Variants in IMMP2L observed in about 807,000 individuals in gnomAD.
The protein encoded by IMMP2L is inner mitochondrial membrane peptidase subunit 2.
A neutral mutation model predicts 19.3 loss-of-function variants in IMMP2L; 18 were observed. The observed-to-expected ratio is 0.93, with a 90% CI of 0.64 to 1.38. The LOEUF (loss-of-function observed/expected upper bound fraction) is 1.38. IMMP2L is among the 40% of genes most tolerant of loss of function. The probability of loss-of-function intolerance (pLI) is 0.00; values close to 1 mark genes in which losing one functional copy is unlikely to be tolerated. For missense variants in IMMP2L, 233 were observed against 218.2 expected (o/e 1.07, Z -0.43); for synonymous variants, 76 against 73.0 (o/e 1.04, Z -0.21).
Position 110,760,749 on chromosome 7 carries a change from A to T in IMMP2L, c.409-97028T>A, listed in dbSNP as rs1798305587. 6.6e-6 allele frequency among the ~76,000 whole-genome samples: 1 copy of T among 152,140 alleles called. No individual in the cohort carries two copies. The highest frequency in any genetic ancestry group is 2.4e-5 in the African/African-American group (1 of 41,440). Reference sequence around the variant, plus strand: ...AGCACTTCAATACCTGGAATATCTCAAAAGGTTTGCTGACTATTGTTAACA... The same window carrying T: ...AGCACTTCAATACCTGGAATATCTCTAAAGGTTTGCTGACTATTGTTAACA... On this transcript the variant is annotated intron_variant, in intron 5 of 5. Coordinates refer to ENST00000405709, the MANE Select transcript of IMMP2L (RefSeq NM_032549.4). This position sits in a 1 kb window ranked among gnomAD's most constrained non-coding sequence, Gnocchi z 4.2.
At position 111,331,222 on chromosome 7, in the gene IMMP2L, T is replaced by C. The variant is rs763131735; in HGVS notation, c.239+156016A>G. On this transcript the variant is annotated intron_variant, in intron 3 of 5. Coordinates refer to ENST00000405709, the MANE Select transcript of IMMP2L (RefSeq NM_032549.4). ...ATGGATAAACAAAATGTGGTAAATA[T>C]ACACAGTGAAATTCTATTCAGCCCT... Among the ~76,000 whole-genome samples, 9 of 151,962 alleles carry C rather than the reference T, an allele frequency of 5.9e-5. 1 individual carries two copies. The South Asian group carries it at 1.2e-3, about 21-fold the overall frequency.
intron 4 of IMMP2L, among the ~76,000 whole-genome samples, chr7:110,953,462 T>C (rs1818040519): frequency 6.6e-6 from 1 of 152,124 alleles, no homozygotes; most frequent in Non-Finnish European, 1.5e-5. Flanking sequence ...AATGATGGTT[T>C]CCAGCTTCAT....
At chr7:110,755,909 G>A (rs910848645) in intron 5 of IMMP2L, among the ~76,000 whole-genome samples, 1 of 152,030 alleles carries the variant, frequency 6.6e-6, no homozygotes, top group African/African-American at 2.4e-5. Context: ...CAGAAGGAGA[G>A]AATATCTGGA....
intron 3 of IMMP2L, among the ~76,000 whole-genome samples, chr7:111,217,126 T>TCTCACACACACACACACACACA (rs1472700586): frequency 7.3e-5 from 9 of 124,070 alleles, no homozygotes; most frequent in African/African-American, 2.8e-4. Flanking sequence ...TCTCTCTCTC[T>TCTCACACACACACACACACACA]CACACACACA....
At chr7:111,015,176 G>A (rs563073505) in intron 3 of IMMP2L, among the ~76,000 whole-genome samples, 1 of 151,980 alleles carries the variant, frequency 6.6e-6, no homozygotes, top group Non-Finnish European at 1.5e-5. Flanking sequence ...CCAGAAGAAT[G>A]GACAAACAAA....
chr7:111,505,496 A>T (rs926136209), intron 2 of IMMP2L, among the ~76,000 whole-genome samples: 2 of 152,158 alleles, frequency 1.3e-5, no homozygotes, highest in Non-Finnish European at 2.9e-5. Context: ...AGGATTGTAA[A>T]TCATGCTGCT....
intron 3 of IMMP2L, among the ~76,000 whole-genome samples, chr7:111,450,562 G>T (rs1839032875): frequency 1.3e-5 from 2 of 149,394 alleles, no homozygotes; most frequent in South Asian, 2.1e-4. Flanking sequence ...ATCAATTCAA[G>T]ATGGATTAAA....
chr7:110,932,008 C>T (rs1348903647), intron 4 of IMMP2L, among the ~76,000 whole-genome samples: 5 of 152,152 alleles, frequency 3.3e-5, no homozygotes, highest in Non-Finnish European at 5.9e-5. Context: ...CTACCTGAAC[C>T]CTCATGCACA....
At chr7:111,497,019 G>C (rs1218475198) in intron 2 of IMMP2L, among the ~76,000 whole-genome samples, 1 of 152,078 alleles carries the variant, frequency 6.6e-6, no homozygotes, top group Non-Finnish European at 1.5e-5. Flanking sequence ...AAGCAAGCCT[G>C]TAAAACTACA....
chr7:111,402,166 AATAATATT>A, intron 3 of IMMP2L, among the ~76,000 whole-genome samples: 1 of 140,676 alleles, frequency 7.1e-6, no homozygotes, highest in African/African-American at 2.8e-5. Flanking sequence ...TAATAATAAT[AATAATATT>A]AAGTTAGGAA....
At chr7:111,168,366 C>T (rs890761629) in intron 3 of IMMP2L, among the ~76,000 whole-genome samples, 1 of 151,454 alleles carries the variant, frequency 6.6e-6, no homozygotes, top group East Asian at 1.9e-4. Context: ...CCCCGTGGTC[C>T]CATTATGTAC....
chr7:111,467,031 T>A (rs952104639), intron 3 of IMMP2L, among the ~76,000 whole-genome samples: 1 of 152,148 alleles, frequency 6.6e-6, no homozygotes, highest in Non-Finnish European at 1.5e-5. Context: ...AAGTATGAGC[T>A]AAGAGTAGTA....
At chr7:111,069,158 A>C (rs1794747535) in intron 3 of IMMP2L, among the ~76,000 whole-genome samples, 1 of 152,214 alleles carries the variant, frequency 6.6e-6, no homozygotes, top group Non-Finnish European at 1.5e-5. Flanking sequence ...GACTAGGTCT[A>C]TTAAAGCAAA....
At chr7:111,482,568 C>T (rs536035133) in intron 3 of IMMP2L, among the ~76,000 whole-genome samples, 1 of 152,094 alleles carries the variant, frequency 6.6e-6, no homozygotes, top group Non-Finnish European at 1.5e-5. Context: ...AAATTTGACT[C>T]GGTAGACTTA....
chr7:110,759,977 C>T (rs993329163), intron 5 of IMMP2L, among the ~76,000 whole-genome samples: 5 of 152,114 alleles, frequency 3.3e-5, no homozygotes, highest in African/African-American at 1.2e-4. Flanking sequence ...TTTTAACAGA[C>T]AATCTGCTCC....
chr7:110,795,266 T>G (rs1800783627), intron 5 of IMMP2L, among the ~76,000 whole-genome samples: 1 of 152,086 alleles, frequency 6.6e-6, no homozygotes, highest in Admixed American at 6.6e-5. Context: ...ACCAAGCTAG[T>G]AGGTTTTCCT....
intron 3 of IMMP2L, among the ~76,000 whole-genome samples, chr7:111,094,236 T>C (rs1797170272): frequency 6.6e-6 from 1 of 152,018 alleles, no homozygotes; most frequent in Admixed American, 6.6e-5. Flanking sequence ...ATAACCGGAG[T>C]TTCGTTTTAA....
At chr7:111,049,989 C>A (rs914273193) in intron 3 of IMMP2L, among the ~76,000 whole-genome samples, 1 of 152,270 alleles carries the variant, frequency 6.6e-6, no homozygotes, top group South Asian at 2.1e-4. Context: ...AAGAAACAGG[C>A]TGGCTGAAGA....
At chr7:110,876,280 C>A (rs544839692) in intron 5 of IMMP2L, among the ~76,000 whole-genome samples, 9 of 151,244 alleles carry the variant, frequency 6.0e-5, no homozygotes, top group Admixed American at 2.6e-4. Flanking sequence ...TTGAAACATG[C>A]GAGAACTTTA....
Sources: gnomAD v4.1 joint callset for allele counts (sites outside exome capture counted in the v4.1 genomes callset) on GRCh38, gnomAD v4.1.1 for gene constraint, Gnocchi (gnomAD v3.1) non-coding constraint, MANE v1.5 for transcripts, NCBI Gene and HGNC (gene_info 2026-07-23, HGNC 2026-07-21) for gene names.